The following DUS1L variants were observed in gnomAD, a reference collection of about 807,000 sequenced individuals.
DUS1L encodes dihydrouridine synthase 1 like.
DUS1L carries 56 observed loss-of-function variants against 61.2 expected under a neutral mutation model. That is an observed-to-expected ratio of 0.92 (90% confidence interval 0.74 to 1.14). DUS1L has a LOEUF of 1.14. Among genes scored for constraint, DUS1L ranks in the 50% most tolerant of loss-of-function variants. DUS1L has a pLI of 0.00. For synonymous variants in DUS1L, 278 were observed against 259.5 expected (o/e 1.07, Z -0.69); for missense variants, 630 against 632.4 (o/e 1.00, Z 0.04).
intron 7 of DUS1L, 103 bp downstream of exon 7, chr17:82,061,515 A>T: frequency 7.0e-7 from 1 of 1,436,308 alleles, no homozygotes; most frequent in Non-Finnish European, 9.5e-7. Context: ...CCATCTGTGA[A>T]CAGCACCATG....
At position 82,061,306 on chromosome 17, in the gene DUS1L, C is replaced by T. The variant is rs369359990; in HGVS notation, c.745G>A (p.Val249Met). The change falls in exon 8 of 14, where the codon GTG becomes ATG. Residue 249 changes from valine (V) to methionine (M), a missense_variant. By Grantham distance (21) the Val-to-Met change is conservative (BLOSUM62 1). Coordinates refer to ENST00000306796, the MANE Select transcript of DUS1L (RefSeq NM_022156.5). ...AGATACTCCTCGGCCAGCTCCCACA[C>T]GGCAGGGCTCCGGCCCTCGAACAGG... ...PALFEGRSPA[V>M]WELAEEYLDI... 21 of 1,610,270 alleles carry T rather than the reference C, an allele frequency of 1.3e-5. No individual in the cohort carries two copies. Among genetic ancestry groups the T allele is most frequent in the Admixed American group, 1.0e-4 (6 of 59,810 alleles).
intron 1 of DUS1L, 162 bp downstream of exon 1, chr17:82,065,451 G>A (rs2033725977): frequency 1.6e-5 from 3 of 190,660 alleles, no homozygotes; most frequent in Non-Finnish European, 2.1e-5. Flanking sequence ...GCTCCGCGCC[G>A]GGCCAGGGGA....
At position 82,058,243 on chromosome 17, in the gene DUS1L, G is replaced by C; in HGVS notation, c.1294C>G (p.Leu432Val). The change falls in exon 14 of 14, where the codon CTT becomes GTT. Residue 432 changes from leucine to valine, a missense_variant. Leu to Val is a conservative substitution (Grantham distance 32). Transcript: ENST00000306796. Reference sequence around the variant, plus strand: ...GACTTCTCCAATTTGGTTTTAAAAAGCAATCCGTGACCTGGCAGAGCGAGT... The same window carrying C: ...GACTTCTCCAATTTGGTTTTAAAAACCAATCCGTGACCTGGCAGAGCGAGT... ...ETADCPGHGLLFKTKLEKSLA... is the reference protein window; with the variant it reads ...ETADCPGHGLVFKTKLEKSLA... The C allele has an allele frequency of 6.3e-7, 1 of 1,582,288 alleles. No homozygotes were observed. The highest frequency in any genetic ancestry group is 1.7e-4 in the Middle Eastern group (1 of 5,946).
At chr17:82,061,068 C>T in intron 8 of DUS1L, 107 bp from the exon 9 acceptor site, 3 of 1,536,002 alleles carry the variant, frequency 2.0e-6, no homozygotes, top group Non-Finnish European at 1.8e-6. Context: ...CCCAACTCCA[C>T]TCCTAAGTCA....
intron 3 of DUS1L, 92 bp from the exon 4 acceptor site, chr17:82,063,610 C>T (rs980174921): frequency 1.8e-5 from 28 of 1,527,434 alleles, no homozygotes; most frequent in East Asian, 4.5e-5. Flanking sequence ...CCTGCATCCA[C>T]GCAGGCCAGG....
At position 82,062,896 on chromosome 17, in the gene DUS1L, T is replaced by G; in HGVS notation, c.475A>C (p.Arg159=). The part of the protein sequence containing the change: ...RVFPEIDKTV[R]YAQMLEKAGC... ...GCCTTCTCCAGCATCTGGGCGTACC[T>G]CACGGTCTTGTCAATCTCCGGGAAG... The change falls in exon 5 of 14, where the codon AGG becomes CGG. Residue 159 remains arginine (R), a synonymous_variant. Coordinates refer to ENST00000306796, the MANE Select transcript of DUS1L (RefSeq NM_022156.5). 1 of 1,612,974 alleles carries G rather than the reference T, an allele frequency of 6.2e-7. No homozygotes were observed. Among genetic ancestry groups the G allele is most frequent in the Non-Finnish European group, 8.5e-7 (1 of 1,179,932 alleles).
In DUS1L at chr17:82,060,907, CT is replaced by C. The variant is rs2033458843; in HGVS notation, c.896del (p.Glu299GlyfsTer6). 4 of 1,611,524 alleles carry C rather than the reference CT, an allele frequency of 2.5e-6. No individual in the cohort carries two copies. Among genetic ancestry groups the C allele is most frequent in the Non-Finnish European group, 3.4e-6 (4 of 1,179,934 alleles). On this transcript the variant is annotated frameshift_variant, in exon 9 of 14. Transcript: ENST00000306796. LOFTEE classifies it high-confidence loss of function. ...REELAKVKTL[E>X]GIAAVSQELK... is the part of the protein sequence containing the mutation. ...GCTCCTGGCTCACAGCAGCGATGCC[CT>C]CCAGGGTCTTCACCTTGGCCAGCTC...
At chr17:82,063,913 G>A (rs983894622) in intron 3 of DUS1L, among the ~76,000 whole-genome samples, 2 of 152,218 alleles carry the variant, frequency 1.3e-5, no homozygotes, top group Non-Finnish European at 2.9e-5. Context: ...CTCCCTGAGG[G>A]AAGAGAGAGC....
chr17:82,058,825 AAAG>A lies in DUS1L; in HGVS notation c.1169-10_1169-8del. 6.2e-7 allele frequency: 1 copy of A among 1,612,230 alleles called. No individual in the cohort carries two copies. The highest frequency in any genetic ancestry group is 1.7e-5 in the Admixed American group (1 of 60,026). ...TCACACTTTGCATATTTTGCTAGGAAAAGAACAAAAGGGTGCTGGTGAGTGAGG... is the reference window on the plus strand; with the variant it reads ...TCACACTTTGCATATTTTGCTAGGAAAACAAAAGGGTGCTGGTGAGTGAGG... On this transcript the variant is annotated splice_polypyrimidine_tract_variant and splice_region_variant and intron_variant, in intron 11 of 13. Transcript: ENST00000306796.
rs761461277 is a variant in DUS1L, at chr17:82,060,075, C to T, written c.1041G>A (p.Lys347=). ...YIRPGPREGS[K]EKAGARSKRA... ...GCTTGCTGCGCGCACCTGCCTTCTC[C>T]TTGCTCCCCTCCCTGGGCCTGAGGG... Residue 347 remains lysine, a synonymous_variant, in exon 11 of 14, where the codon AAG becomes AAA. Transcript: ENST00000306796. 1.2e-6 allele frequency: 2 copies of T among 1,608,710 alleles called. No homozygotes were observed. The highest frequency in any genetic ancestry group is 1.7e-6 in the Non-Finnish European group (2 of 1,179,818).
In DUS1L at chr17:82,060,749, G is replaced by C. The variant is rs1186157384; in HGVS notation, c.974C>G (p.Thr325Ser). The change falls in exon 10 of 14, where the codon ACC becomes AGC. Residue 325 changes from threonine to serine, a missense_variant. Coordinates refer to ENST00000306796, the MANE Select transcript of DUS1L (RefSeq NM_022156.5). ...EISRQEGAKP[T>S]GDLPFHWICQ... ...GATCCAGTGGAAGGGCAAGTCGCCG[G>C]TGGGCTTCGCTCCCTCCTGCCTGGA... 6.2e-7 allele frequency: 1 copy of C among 1,612,884 alleles called. No homozygotes were observed. The highest frequency in any genetic ancestry group is 2.2e-5 in the East Asian group (1 of 44,862).
intron 6 of DUS1L, 51 bp downstream of exon 6, chr17:82,061,850 C>T: frequency 2.5e-6 from 4 of 1,584,674 alleles, no homozygotes; most frequent in South Asian, 2.3e-5. Flanking sequence ...GGAGCTGGGA[C>T]CCCCAGCAAA....
At chr17:82,059,891 GGA>G in intron 11 of DUS1L, 55 bp downstream of exon 11, 1 of 1,605,282 alleles carries the variant, frequency 6.2e-7, no homozygotes, top group East Asian at 2.2e-5. Context: ...CTGGCAACAG[GGA>G]GGATGGGGGT....
intron 10 of DUS1L, 126 bp from the exon 11 acceptor site, chr17:82,060,219 G>A (rs1419983014): frequency 1.2e-5 from 15 of 1,290,028 alleles, no homozygotes; most frequent in Non-Finnish European, 1.5e-5. Context: ...TGTGAGGAGT[G>A]CCCTCCTTTC....
intron 5 of DUS1L, 104 bp from the exon 6 acceptor site, chr17:82,062,087 C>T: frequency 2.0e-6 from 2 of 996,976 alleles, no homozygotes; most frequent in Non-Finnish European, 1.4e-6. Flanking sequence ...CCCCTCCGAG[C>T]CCCCTCTGCC....
chr17:82,064,022 A>T, intron 3 of DUS1L, 104 bp downstream of exon 3: 1 of 992,690 alleles, frequency 1.0e-6, no homozygotes, highest in Non-Finnish European at 1.5e-6. Flanking sequence ...CACTGTCACG[A>T]CAGAGGCAGG....
rs2033740959 is a variant in DUS1L at position 82,065,760 on chromosome 17, G to C, written c.-158C>G. 6.8e-6 allele frequency: 1 copy of C among 147,644 alleles called. No homozygotes were observed. Among genetic ancestry groups the C allele is most frequent in the South Asian group, 2.0e-4 (1 of 4,938 alleles). 9.1% of individuals were successfully genotyped at this position (147,644 alleles called of 1,614,324 possible). On this transcript the variant is annotated 5_prime_UTR_variant, in exon 1 of 14. Coordinates refer to ENST00000306796, the MANE Select transcript of DUS1L (RefSeq NM_022156.5). The stretch of plus-strand genomic sequence containing the variant: ...CCGCGAACGCCCGCACCGCGCCGGG[G>C]CCGCCGCCGGGCCGCAGCCGGGCCC...
rs769583164 is a variant in DUS1L at position 82,065,030 on chromosome 17, C to A, written c.30G>T (p.Trp10Cys). Reference sequence around the variant, plus strand: ...GGCGGGCCCCTCGCAGGGTGCGGCTCCAGAACTCGAAGCCCTGCAGCTTTG... The same window carrying A: ...GGCGGGCCCCTCGCAGGGTGCGGCTACAGAACTCGAAGCCCTGCAGCTTTG... MPKLQGFEFWSRTLRGARHV... is the reference protein window; with the variant it reads MPKLQGFEFCSRTLRGARHV... The change falls in exon 2 of 14, where the codon TGG becomes TGT. Residue 10 changes from tryptophan to cysteine, a missense_variant. By Grantham distance (215) the Trp-to-Cys change is radical (BLOSUM62 -2). Coordinates refer to ENST00000306796, the MANE Select transcript of DUS1L (RefSeq NM_022156.5). The A allele has an allele frequency of 1.2e-6, 2 of 1,605,544 alleles. No homozygotes were observed. The highest frequency in any genetic ancestry group is 8.5e-7 in the Non-Finnish European group (1 of 1,175,462).
intron 8 of DUS1L, 88 bp from the exon 9 acceptor site, chr17:82,061,049 C>G: frequency 6.5e-7 from 1 of 1,542,776 alleles, no homozygotes; most frequent in Non-Finnish European, 8.8e-7. Context: ...GGACCTGTGT[C>G]TCTTCCTGCC....
Sources: gnomAD v4.1 joint callset for allele counts (sites outside exome capture counted in the v4.1 genomes callset) on GRCh38, gnomAD v4.1.1 for gene constraint, MANE v1.5 for transcripts, NCBI Gene and HGNC (gene_info 2026-07-23, HGNC 2026-07-21) for gene names.